CTNNA3: variants seen among roughly 807,000 people sequenced by gnomAD.
CTNNA3 encodes catenin alpha 3.
Under a neutral mutation model 95.7 loss-of-function variants are expected in CTNNA3, and 76 were observed. The observed-to-expected ratio is 0.79, with a 90% CI of 0.66 to 0.96. CTNNA3 has a LOEUF of 0.96. Among genes scored for constraint, CTNNA3 ranks in the 40% least tolerant of loss-of-function variants. The probability of loss-of-function intolerance (pLI) is 0.00; values close to 1 mark genes in which losing one functional copy is unlikely to be tolerated. For synonymous variants in CTNNA3, 431 were observed against 374.4 expected, an observed-to-expected ratio of 1.15 and a Z score of -1.74; for missense variants, 1,191 against 1,089.8, an observed-to-expected ratio of 1.09 and a Z score of -1.31.
chr10:66,006,678 T>A (rs1007826971), intron 15 of CTNNA3, among the ~76,000 whole-genome samples: 2 of 152,180 alleles, frequency 1.3e-5, no homozygotes, highest in African/African-American at 4.8e-5. Context: ...CACCGTGATA[T>A]ACTGGCTGCC....
chr10:66,634,218 C>A (rs1845256913), intron 9 of CTNNA3, among the ~76,000 whole-genome samples: 1 of 152,020 alleles, frequency 6.6e-6, no homozygotes, highest in Admixed American at 6.6e-5. Flanking sequence ...TAATACCAAT[C>A]AAGAAAATTG....
chr10:67,425,353 C>G (rs1406172525), intron 5 of CTNNA3, among the ~76,000 whole-genome samples: 1 of 151,972 alleles, frequency 6.6e-6, no homozygotes, highest in African/African-American at 2.4e-5. Flanking sequence ...CACAAAAGAG[C>G]TGCTGGAGCA....
chr10:66,841,594 C>T (rs1843067570), intron 7 of CTNNA3, among the ~76,000 whole-genome samples: 1 of 152,074 alleles, frequency 6.6e-6, no homozygotes, highest in Non-Finnish European at 1.5e-5. Flanking sequence ...CCTTATTTCC[C>T]AGAGTAGAGG....
intron 4 of CTNNA3, among the ~76,000 whole-genome samples, chr10:67,539,021 G>C (rs1360520491): frequency 6.6e-6 from 1 of 152,010 alleles, no homozygotes; most frequent in Non-Finnish European, 1.5e-5. Flanking sequence ...TTTCCTAATG[G>C]ATTACTACAG....
chr10:67,420,066 G>T (rs1422340368), intron 5 of CTNNA3, among the ~76,000 whole-genome samples: 5 of 152,076 alleles, frequency 3.3e-5, no homozygotes, highest in African/African-American at 1.2e-4. Context: ...TGGCAGGCTG[G>T]TCTCGAACTC....
chr10:65,947,775 A>G (rs1459475361), intron 17 of CTNNA3, among the ~76,000 whole-genome samples: 3 of 152,252 alleles, frequency 2.0e-5, no homozygotes, highest in African/African-American at 7.2e-5. Context: ...TGCCTAATTC[A>G]GTGTTATTGA....
At chr10:66,689,456 T>C (rs2132530706) in intron 9 of CTNNA3, among the ~76,000 whole-genome samples, 1 of 152,326 alleles carries the variant, frequency 6.6e-6, no homozygotes, top group East Asian at 1.9e-4. Context: ...ATCATATTTA[T>C]GCAAATGTGG....
chr10:67,552,550 G>A (rs59570825), intron 3 of CTNNA3, among the ~76,000 whole-genome samples: 2 of 151,912 alleles, frequency 1.3e-5, no homozygotes, highest in East Asian at 3.9e-4. Flanking sequence ...GGACTGGGGA[G>A]TGGCAGGCCA....
intron 7 of CTNNA3, among the ~76,000 whole-genome samples, chr10:66,890,309 T>C (rs1845217746): frequency 6.7e-6 from 1 of 150,292 alleles, no homozygotes; most frequent in Non-Finnish European, 1.5e-5. Flanking sequence ...ATTACCTAAG[T>C]AGAGAAGTAT....
At chr10:66,953,031 C>T (rs1005222998) in intron 7 of CTNNA3, among the ~76,000 whole-genome samples, 6 of 152,066 alleles carry the variant, frequency 3.9e-5, no homozygotes, top group African/African-American at 1.2e-4. Context: ...TTACCTTCCA[C>T]TGAAGAAAAC....
At chr10:66,043,148 AAAAAAAG>A (rs918378362) in intron 15 of CTNNA3, among the ~76,000 whole-genome samples, 2 of 150,560 alleles carry the variant, frequency 1.3e-5, no homozygotes, top group East Asian at 2.0e-4. Flanking sequence ...AAAAAAAAAA[AAAAAAAG>A]AGAGAGAGAG....
intron 5 of CTNNA3, among the ~76,000 whole-genome samples, chr10:67,316,693 G>A (rs1242576016): frequency 6.6e-6 from 1 of 152,106 alleles, no homozygotes; most frequent in Non-Finnish European, 1.5e-5. Flanking sequence ...CCACCCTAAA[G>A]ATGACAATAT....
chr10:66,551,896 C>CTTTTT (rs141885331), intron 10 of CTNNA3, among the ~76,000 whole-genome samples: 16 of 113,962 alleles, frequency 1.4e-4, no homozygotes, highest in East Asian at 3.4e-4. Context: ...TTTTCTTTTC[C>CTTTTT]TTTTTTTTTT....
At chr10:67,388,918 C>T (rs987639875) in intron 5 of CTNNA3, among the ~76,000 whole-genome samples, 3 of 152,108 alleles carry the variant, frequency 2.0e-5, no homozygotes, top group African/African-American at 7.2e-5. Flanking sequence ...AAGCGCTAAA[C>T]ATGGAAAGGA....
intron 11 of CTNNA3, among the ~76,000 whole-genome samples, chr10:66,462,626 T>G (rs2093537394): frequency 6.6e-6 from 1 of 152,130 alleles, no homozygotes; most frequent in Admixed American, 6.6e-5. Context: ...AATACAACAT[T>G]TCTTGAGGAC....
chr10:67,161,612 A>C (rs1234162211), intron 7 of CTNNA3, among the ~76,000 whole-genome samples: 1 of 152,032 alleles, frequency 6.6e-6, no homozygotes, highest in African/African-American at 2.4e-5. Context: ...ATGAAAAATA[A>C]ATTAAAAACA....
chr10:67,614,065 G>A (rs930112830), intron 2 of CTNNA3, among the ~76,000 whole-genome samples: 2 of 152,212 alleles, frequency 1.3e-5, no homozygotes, highest in Non-Finnish European at 2.9e-5. Flanking sequence ...GACCCTACCA[G>A]GTTGCCACTG....
intron 5 of CTNNA3, among the ~76,000 whole-genome samples, chr10:67,265,466 G>A (rs183366426): frequency 4.5e-4 from 69 of 152,236 alleles, no homozygotes; most frequent in African/African-American, 1.6e-3. Context: ...TTAGCAGGGA[G>A]GGGAAGCTAT....
chr10:66,421,848 A>G (rs544741073), intron 11 of CTNNA3, among the ~76,000 whole-genome samples: 2 of 141,128 alleles, frequency 1.4e-5, no homozygotes, highest in Admixed American at 7.4e-5. Context: ...AAAAAAAAAA[A>G]AAAAAGAAAA....
Sources: gnomAD v4.1 joint callset for allele counts (sites outside exome capture counted in the v4.1 genomes callset) on GRCh38, gnomAD v4.1.1 for gene constraint, MANE v1.5 for transcripts, NCBI Gene and HGNC (gene_info 2026-07-23, HGNC 2026-07-21) for gene names.